Variants in MOB1B observed in about 807,000 individuals in gnomAD.
MOB1B encodes MOB kinase activator 1B, also known as MOB1 Mps One Binder homolog B.
A neutral mutation model predicts 24.4 loss-of-function variants in MOB1B; 19 were observed. The observed-to-expected ratio is 0.78, with a 90% confidence interval of 0.54 to 1.14. The LOEUF is 1.14. Ranked by LOEUF, MOB1B falls within the 50% of genes most tolerant of loss-of-function variation. MOB1B has a pLI of 0.00. For synonymous variants in MOB1B, 76 were observed against 82.1 expected, an observed-to-expected ratio of 0.93 and a Z score of 0.40; for missense variants, 243 against 259.6, an observed-to-expected ratio of 0.94 and a Z score of 0.44.
At chr4:70,922,642 A>C (rs1257486822) in intron 1 of MOB1B, among the ~76,000 whole-genome samples, 1 of 152,194 alleles carries the variant, frequency 6.6e-6, no homozygotes, top group Non-Finnish European at 1.5e-5. Context: ...ACAAACATAA[A>C]ATTCAGACAA....
At chr4:70,950,944 C>G (rs368946345) in intron 1 of MOB1B, 1 of 613,582 alleles carries the variant, frequency 1.6e-6, no homozygotes, top group African/African-American at 1.8e-5. Context: ...GTAACTTCTT[C>G]GAGACCCTGG....
intron 1 of MOB1B, among the ~76,000 whole-genome samples, chr4:70,946,912 T>C (rs1737606711): frequency 6.6e-6 from 1 of 152,194 alleles, no homozygotes; most frequent in Non-Finnish European, 1.5e-5. Context: ...TTAAGCCTAG[T>C]GAGTTTGGGG....
intron 4 of MOB1B, chr4:70,976,465 T>C (rs1027694509): frequency 1.0e-6 from 1 of 985,354 alleles, no homozygotes; most frequent in Non-Finnish European, 1.2e-6. Flanking sequence ...CTGAGTGACT[T>C]TGCTTTTTTG....
At position 70,944,130 on chromosome 4, in the gene MOB1B, G is replaced by T. The variant is rs535705123; in HGVS notation, c.15-14744G>T. 2.6e-5 allele frequency among the ~76,000 whole-genome samples: 4 copies of T among 152,102 alleles called. No homozygotes were observed. The South Asian group carries it at 8.3e-4, about 32-fold the overall frequency. ...GCTCATTTCAACCTCCACCTTTCAGGTTCAAGTGATTCTCCTGCCCTAGCC... is the reference window on the plus strand; with the variant it reads ...GCTCATTTCAACCTCCACCTTTCAGTTTCAAGTGATTCTCCTGCCCTAGCC... On this transcript the variant is annotated intron_variant, in intron 1 of 5. Coordinates refer to ENST00000309395, the MANE Select transcript of MOB1B (RefSeq NM_173468.4).
At chr4:70,913,124 G>T (rs985132011) in intron 1 of MOB1B, among the ~76,000 whole-genome samples, 1 of 152,134 alleles carries the variant, frequency 6.6e-6, no homozygotes, top group Non-Finnish European at 1.5e-5. Flanking sequence ...CATTTTTGAG[G>T]ATTACAGGCC....
Position 70,914,698 on chromosome 4 carries a change from A to G in MOB1B, c.14+12148A>G, listed in dbSNP as rs536145281. Among the ~76,000 whole-genome samples, 18 of 152,146 alleles carry G rather than the reference A, an allele frequency of 1.2e-4. No homozygotes were observed. In the South Asian group the frequency reaches 2.7e-3, roughly 23 times the overall value. On this transcript the variant is annotated intron_variant, in intron 1 of 5. Transcript: ENST00000309395. Reference sequence around the variant, plus strand: ...GTTCATTCTAGCCTTCTCCTTTCCTATGTTTTTCTTTGTTGTTGGTAAGAA... The same window carrying G: ...GTTCATTCTAGCCTTCTCCTTTCCTGTGTTTTTCTTTGTTGTTGGTAAGAA...
intron 1 of MOB1B, among the ~76,000 whole-genome samples, chr4:70,942,549 T>C (rs1737393051): frequency 6.6e-6 from 1 of 152,160 alleles, no homozygotes; most frequent in African/African-American, 2.4e-5. Flanking sequence ...CTAGTCACTG[T>C]TTAATAGAAA....
At chr4:70,979,905 T>G (rs1184998404) in intron 5 of MOB1B, among the ~76,000 whole-genome samples, 1 of 152,126 alleles carries the variant, frequency 6.6e-6, no homozygotes, top group Non-Finnish European at 1.5e-5. Context: ...AGTGACAGTA[T>G]TCTCACCATG....
intron 1 of MOB1B, among the ~76,000 whole-genome samples, chr4:70,927,768 G>A (rs568674862): frequency 1.2e-4 from 19 of 152,084 alleles, no homozygotes; most frequent in African/African-American, 4.6e-4. Flanking sequence ...GGAATCCTTC[G>A]GTGCACTCGC....
intron 1 of MOB1B, among the ~76,000 whole-genome samples, chr4:70,952,275 T>C (rs573474719): frequency 1.8e-4 from 27 of 152,112 alleles, no homozygotes; most frequent in African/African-American, 6.5e-4. Flanking sequence ...TAGATTTACT[T>C]GTATCTTAAA....
intron 1 of MOB1B, among the ~76,000 whole-genome samples, chr4:70,946,948 A>G (rs16845597): frequency 0.028 from 4,235 of 152,250 alleles, 196 homozygotes; most frequent in African/African-American, 0.095. Context: ...TTTCTTTCAC[A>G]TTATATTGAG....
chr4:70,959,932 G>A (rs1183274579), intron 2 of MOB1B, among the ~76,000 whole-genome samples: 1 of 152,010 alleles, frequency 6.6e-6, no homozygotes, highest in Non-Finnish European at 1.5e-5. Flanking sequence ...GCCCAGGCTG[G>A]AGTACCAGTG....
chr4:70,950,766 G>A lies in MOB1B; in HGVS notation c.15-8108G>A, dbSNP rs1737772024. Reference sequence around the variant, plus strand: ...GTATTTATCGAATACCTGATCTGTAGTGTTGGACTTAGACCTATGGAAGGA... The same window carrying A: ...GTATTTATCGAATACCTGATCTGTAATGTTGGACTTAGACCTATGGAAGGA... On this transcript the variant is annotated intron_variant, in intron 1 of 5. Transcript: ENST00000309395. 3.9e-6 allele frequency: 6 copies of A among 1,534,710 alleles called. 1 individual carries two copies. The Middle Eastern group carries it at 5.0e-4, about 128-fold the overall frequency.
At chr4:70,966,457 C>T (rs1738534211) in intron 2 of MOB1B, among the ~76,000 whole-genome samples, 1 of 151,904 alleles carries the variant, frequency 6.6e-6, no homozygotes, top group Non-Finnish European at 1.5e-5. Flanking sequence ...TCACCACAAC[C>T]TTTGCCTCCC....
At chr4:70,925,422 T>G (rs749093699) in intron 1 of MOB1B, among the ~76,000 whole-genome samples, 1 of 152,198 alleles carries the variant, frequency 6.6e-6, no homozygotes, top group Non-Finnish European at 1.5e-5. Flanking sequence ...AGTGATGTCT[T>G]TGCCTTTTTT....
chr4:70,935,635 C>A (rs1410450462), intron 1 of MOB1B, among the ~76,000 whole-genome samples: 1 of 151,734 alleles, frequency 6.6e-6, no homozygotes, highest in Non-Finnish European at 1.5e-5. Context: ...TCACTTTAGT[C>A]TTTGCTAAGT....
intron 1 of MOB1B, among the ~76,000 whole-genome samples, chr4:70,916,659 C>T (rs1221005966): frequency 2.6e-5 from 4 of 152,114 alleles, no homozygotes; most frequent in Admixed American, 6.5e-5. Flanking sequence ...CCTCTGCCTC[C>T]CGGGTTCAAG....
intron 1 of MOB1B, among the ~76,000 whole-genome samples, chr4:70,914,092 C>T (rs1007929178): frequency 6.6e-5 from 10 of 152,096 alleles, no homozygotes; most frequent in African/African-American, 2.2e-4. Context: ...ATAAAGATGC[C>T]TGAGGGAACA....
intron 1 of MOB1B, among the ~76,000 whole-genome samples, chr4:70,926,426 T>G (rs1253438463): frequency 2.0e-5 from 3 of 152,094 alleles, no homozygotes; most frequent in Admixed American, 6.5e-5. Context: ...TACTGGAGGG[T>G]AACGAATGCT....
Sources: gnomAD v4.1 joint callset for allele counts (sites outside exome capture counted in the v4.1 genomes callset) on GRCh38, gnomAD v4.1.1 for gene constraint, MANE v1.5 for transcripts, NCBI Gene and HGNC (gene_info 2026-07-23, HGNC 2026-07-21) for gene names.